Variants in DPP6 observed in about 807,000 individuals in gnomAD.
DPP6 encodes the protein A-type potassium channel modulatory protein DPP6.
DPP6 carries 69 observed loss-of-function variants against 122.6 expected under a neutral mutation model. That is an observed-to-expected ratio of 0.56 (90% confidence interval 0.46 to 0.69). The LOEUF is 0.69. Among genes scored for constraint, DPP6 ranks in the 30% least tolerant of loss-of-function variants. DPP6 has a pLI of 0.00. For synonymous variants in DPP6, 418 were observed against 433.1 expected (o/e 0.97, Z 0.43); for missense variants, 928 against 1,116.9 (o/e 0.83, Z 2.41).
At chr7:153,836,098 C>A in the DPP6 span, among the ~76,000 whole-genome samples, 1 of 152,220 alleles carries the variant, frequency 6.6e-6, no homozygotes, top group Non-Finnish European at 1.5e-5. Context: ...CAAACACCAC[C>A]AGCCAATGCC....
At chr7:153,918,928 G>A (rs189645344) in intron 1 of DPP6, among the ~76,000 whole-genome samples, 6 of 138,996 alleles carry the variant, frequency 4.3e-5, no homozygotes, top group East Asian at 4.3e-4. Context: ...GCAGTGAGCC[G>A]AGATCATGCC....
At chr7:154,133,656 T>C (rs1795400251) in intron 1 of DPP6, among the ~76,000 whole-genome samples, 1 of 152,130 alleles carries the variant, frequency 6.6e-6, no homozygotes, top group Admixed American at 6.5e-5. Flanking sequence ...AAATGTGTGT[T>C]CAACAGGAAA....
chr7:154,091,187 A>C (rs1022604831), intron 1 of DPP6, among the ~76,000 whole-genome samples: 2 of 152,138 alleles, frequency 1.3e-5, no homozygotes, highest in Non-Finnish European at 1.5e-5. Flanking sequence ...AGGTTCCCAG[A>C]AGAACTGAGC....
At chr7:154,212,674 A>G (rs992241957) in intron 1 of DPP6, among the ~76,000 whole-genome samples, 1 of 152,234 alleles carries the variant, frequency 6.6e-6, no homozygotes, top group African/African-American at 2.4e-5. Context: ...TGGATGCCCT[A>G]TTTATTTATG....
At chr7:153,964,425 C>CTACCG (rs1440389050) in intron 1 of DPP6, among the ~76,000 whole-genome samples, 1 of 152,148 alleles carries the variant, frequency 6.6e-6, no homozygotes, top group African/African-American at 2.4e-5. Context: ...TCTGGAGACG[C>CTACCG]TACCGCTTCA....
chr7:153,936,805 C>T (rs538990012), intron 1 of DPP6, among the ~76,000 whole-genome samples: 48 of 93,102 alleles, frequency 5.2e-4, no homozygotes, highest in African/African-American at 2.0e-3. Flanking sequence ...AGTGAGACTC[C>T]GTCTCAAAAA....
At chr7:153,800,164 T>C in the DPP6 span, among the ~76,000 whole-genome samples, 1 of 152,190 alleles carries the variant, frequency 6.6e-6, no homozygotes, top group Non-Finnish European at 1.5e-5. Context: ...AGATATGGCA[T>C]CAACCTAAGT....
At chr7:154,496,355 A>G (rs1824737509) in intron 3 of DPP6, among the ~76,000 whole-genome samples, 1 of 152,238 alleles carries the variant, frequency 6.6e-6, no homozygotes, top group Non-Finnish European at 1.5e-5. Context: ...AGCTATAAAA[A>G]TTCACTTAAT....
At chr7:154,652,715 G>A (rs1302117623) in intron 6 of DPP6, among the ~76,000 whole-genome samples, 1 of 152,074 alleles carries the variant, frequency 6.6e-6, no homozygotes, top group African/African-American at 2.4e-5. Flanking sequence ...GCAGCTCATT[G>A]AGACCCAGAC....
chr7:154,441,783 G>T (rs762683330), intron 1 of DPP6, among the ~76,000 whole-genome samples: 1 of 151,982 alleles, frequency 6.6e-6, no homozygotes, highest in Non-Finnish European at 1.5e-5. Context: ...TCTTAATCTG[G>T]GTTTCTTGCA....
At chr7:153,788,198 T>C in the DPP6 span, among the ~76,000 whole-genome samples, 1 of 152,234 alleles carries the variant, frequency 6.6e-6, no homozygotes, top group Non-Finnish European at 1.5e-5. Flanking sequence ...AAAAGATTTC[T>C]TTCTACATTT....
rs141667062 is a variant in DPP6 at position 154,610,183 on chromosome 7, G to A, written c.628-27638G>A. On this transcript the variant is annotated intron_variant, in intron 5 of 25. Coordinates refer to ENST00000377770, the MANE Select transcript of DPP6 (RefSeq NM_130797.4). ...CATAGTCCAACTGAAGAGAGAAGAC[G>A]TCTGTTAATTAACTAACAATATTAA... 1.3e-3 allele frequency among the ~76,000 whole-genome samples: 205 copies of A among 152,286 alleles called. 3 individuals are homozygous for A. The highest frequency in any genetic ancestry group is 4.6e-3 in the African/African-American group (190 of 41,554).
intron 8 of DPP6, among the ~76,000 whole-genome samples, chr7:154,759,947 C>A (rs954364236): frequency 6.6e-6 from 1 of 152,202 alleles, no homozygotes; most frequent in South Asian, 2.1e-4. Flanking sequence ...TATGGTGAAA[C>A]CCCATCTCTA....
chr7:154,370,216 C>A lies in DPP6; in HGVS notation c.244-75998C>A, dbSNP rs191946724. Among the ~76,000 whole-genome samples, 417 of 152,266 alleles carry A rather than the reference C, an allele frequency of 2.7e-3. 9 individuals are homozygous for A. The highest frequency in any genetic ancestry group is 0.024 in the Admixed American group (366 of 15,296). Reference sequence around the variant, plus strand: ...CAGGCTGGTCTTGAACCCCTGACCTCAGGTGATCTGCCTGCCTCGGCCTCC... The same window carrying A: ...CAGGCTGGTCTTGAACCCCTGACCTAAGGTGATCTGCCTGCCTCGGCCTCC... On this transcript the variant is annotated intron_variant, in intron 1 of 25. Transcript: ENST00000377770.
chr7:154,747,166 G>C (rs568926310), intron 8 of DPP6, among the ~76,000 whole-genome samples: 1 of 152,324 alleles, frequency 6.6e-6, no homozygotes, highest in Non-Finnish European at 1.5e-5. Context: ...CTCCGTTTAA[G>C]GGAAGAGTTC....
intron 1 of DPP6, among the ~76,000 whole-genome samples, chr7:153,983,038 A>G (rs1265538823): frequency 6.6e-6 from 1 of 152,186 alleles, no homozygotes; most frequent in Non-Finnish European, 1.5e-5. Context: ...GACCCACTTG[A>G]TGAGGCAGTC....
At chr7:154,062,042 A>AGTG (rs1585281005) in intron 1 of DPP6, among the ~76,000 whole-genome samples, 1 of 100,444 alleles carries the variant, frequency 1.0e-5, no homozygotes, top group African/African-American at 3.8e-5. Flanking sequence ...CCCGCGAGGC[A>AGTG]GGGACTGACA....
intron 1 of DPP6, among the ~76,000 whole-genome samples, chr7:154,237,253 T>C (rs1368193291): frequency 6.6e-6 from 1 of 152,206 alleles, no homozygotes; most frequent in African/African-American, 2.4e-5. Flanking sequence ...AATCCCTTAG[T>C]ATCTTGTTTA....
chr7:154,519,163 T>C (rs937181204), intron 3 of DPP6, among the ~76,000 whole-genome samples: 2 of 152,236 alleles, frequency 1.3e-5, no homozygotes, highest in African/African-American at 2.4e-5. Context: ...GCAAAGTCTT[T>C]ATGGGTCAAA....
Sources: allele counts gnomAD v4.1 joint callset (sites outside exome capture counted in the v4.1 genomes callset), GRCh38; gene constraint gnomAD v4.1.1; transcripts MANE v1.5; gene names NCBI Gene and HGNC (gene_info 2026-07-23, HGNC 2026-07-21).